The following RORA variants were observed in gnomAD, a reference collection of about 807,000 sequenced individuals.
RORA encodes nuclear receptor ROR-alpha.
Under a neutral mutation model 69.5 loss-of-function variants are expected in RORA, and 7 were observed. The ratio of observed to expected loss-of-function variants is 0.10; its 90% confidence interval spans 0.06 to 0.19. RORA has a LOEUF of 0.19. RORA is among the 10% of genes least tolerant of loss of function. RORA has a pLI of 1.00. For missense variants in RORA, 457 were observed against 663.0 expected (o/e 0.69, Z 3.41); for synonymous variants, 261 against 240.8 (o/e 1.08, Z -0.78).
chr15:60,740,398 G>A (rs895684992), intron 1 of RORA, among the ~76,000 whole-genome samples: 3 of 152,172 alleles, frequency 2.0e-5, no homozygotes, highest in Admixed American at 6.5e-5. Context: ...CAGCTCATTC[G>A]CAGACACAGA....
At chr15:60,857,407 T>G (rs2073391858) in intron 1 of RORA, among the ~76,000 whole-genome samples, 1 of 136,400 alleles carries the variant, frequency 7.3e-6, no homozygotes, top group Admixed American at 7.0e-5. Flanking sequence ...ATGTATCAGA[T>G]GTTGAGTCTT....
intron 2 of RORA, chr15:60,558,174 T>C: frequency 7.6e-7 from 1 of 1,316,242 alleles, no homozygotes; most frequent in East Asian, 2.3e-5. Flanking sequence ...GGGCCACATC[T>C]CCATGGTCTC....
intron 1 of RORA, among the ~76,000 whole-genome samples, chr15:60,934,824 A>G (rs1430859707): frequency 6.6e-6 from 1 of 152,160 alleles, no homozygotes; most frequent in Non-Finnish European, 1.5e-5. Context: ...GCTCCATTAC[A>G]ATCTGTCCTC....
intron 1 of RORA, among the ~76,000 whole-genome samples, chr15:61,211,713 C>G (rs920983822): frequency 6.6e-6 from 1 of 152,172 alleles, no homozygotes; most frequent in Non-Finnish European, 1.5e-5. Context: ...GGGCAGAGCC[C>G]CCTCCCGCCA....
At chr15:61,020,231 A>G (rs1043841221) in intron 1 of RORA, among the ~76,000 whole-genome samples, 4 of 152,166 alleles carry the variant, frequency 2.6e-5, no homozygotes, top group Non-Finnish European at 5.9e-5. Context: ...TCAGCATCTC[A>G]GTATCACCTC....
At chr15:60,977,423 A>G (rs980807507) in intron 1 of RORA, among the ~76,000 whole-genome samples, 1 of 152,186 alleles carries the variant, frequency 6.6e-6, no homozygotes, top group African/African-American at 2.4e-5. Context: ...TTATTTTTAA[A>G]TGCTTTCCTA....
chr15:61,213,375 A>G lies in RORA; in HGVS notation c.166+15678T>C, dbSNP rs1174257645. Among the ~76,000 whole-genome samples the G allele has an allele frequency of 6.6e-6, 1 of 152,190 alleles. No individual in the cohort carries two copies. The highest frequency in any genetic ancestry group is 1.5e-5 in the Non-Finnish European group (1 of 68,036). ...CCCTAACTCCACATAAGTATATTTA[A>G]GTACCTTACCAAAAAGAAATCAGGT... On this transcript the variant is annotated intron_variant, in intron 1 of 10. Transcript: ENST00000335670. This position sits in a 1 kb window ranked among gnomAD's most constrained non-coding sequence, Gnocchi z 4.1.
intron 1 of RORA, among the ~76,000 whole-genome samples, chr15:60,705,738 A>C (rs1175852104): frequency 6.6e-6 from 1 of 152,204 alleles, no homozygotes; most frequent in Non-Finnish European, 1.5e-5. Context: ...TTTAAAATAT[A>C]TATTCTGTTC....
intron 1 of RORA, among the ~76,000 whole-genome samples, chr15:61,003,128 T>A (rs762479077): frequency 7.1e-6 from 1 of 141,448 alleles, no homozygotes; most frequent in Non-Finnish European, 1.5e-5. Flanking sequence ...AGAATGAGAC[T>A]CAGTCTCAAA....
intron 2 of RORA, among the ~76,000 whole-genome samples, chr15:60,532,825 T>C (rs1277346808): frequency 6.6e-6 from 1 of 152,230 alleles, no homozygotes; most frequent in Admixed American, 6.5e-5. Context: ...TAAATTCATT[T>C]TCCATGGTTT....
chr15:60,601,499 C>T (rs1463179723), intron 2 of RORA, among the ~76,000 whole-genome samples: 2 of 152,078 alleles, frequency 1.3e-5, no homozygotes, highest in South Asian at 2.1e-4. Context: ...TACAAGGAAA[C>T]TAAAAAATAC....
rs1022750694 is a variant in RORA, at chr15:60,909,589, T to A, written c.167-230903A>T. On this transcript the variant is annotated intron_variant, in intron 1 of 10. Transcript: ENST00000335670. ...TCACAAGTTATTTATAAAGGGGAGA[T>A]TTGTTAAAGTAGCCAATCTACTTCC... 2.6e-5 allele frequency among the ~76,000 whole-genome samples: 4 copies of A among 151,916 alleles called. No individual in the cohort carries two copies. In the East Asian group the frequency reaches 7.7e-4, roughly 29 times the overall value.
At chr15:61,076,349 C>T (rs989672111) in intron 1 of RORA, among the ~76,000 whole-genome samples, 20 of 151,670 alleles carry the variant, frequency 1.3e-4, no homozygotes, top group African/African-American at 4.4e-4. Context: ...TATTGCTCCA[C>T]ACAGAGCAGA....
At chr15:60,677,214 G>A (rs1330640288) in intron 2 of RORA, 1 of 456,046 alleles carries the variant, frequency 2.2e-6, no homozygotes, top group Non-Finnish European at 4.4e-6. Context: ...GCAAGGAAGC[G>A]CTCTGTACCA....
At chr15:60,553,207 T>C (rs2067271167) in intron 2 of RORA, among the ~76,000 whole-genome samples, 1 of 152,212 alleles carries the variant, frequency 6.6e-6, no homozygotes. Flanking sequence ...AATCTCCATC[T>C]GCTTTTCTGA....
chr15:60,746,914 A>G (rs959198064), intron 1 of RORA, among the ~76,000 whole-genome samples: 1 of 152,212 alleles, frequency 6.6e-6, no homozygotes, highest in Non-Finnish European at 1.5e-5. Flanking sequence ...GAAGAGTCGA[A>G]TTCCATATCA....
At chr15:61,148,089 C>T (rs572866612) in intron 1 of RORA, among the ~76,000 whole-genome samples, 52 of 152,138 alleles carry the variant, frequency 3.4e-4, no homozygotes, top group Non-Finnish European at 5.6e-4. Flanking sequence ...ATCAATCCAT[C>T]GATGCCGAAG....
At chr15:60,782,703 C>T (rs1595711304) in intron 1 of RORA, among the ~76,000 whole-genome samples, 1 of 152,112 alleles carries the variant, frequency 6.6e-6, no homozygotes, top group African/African-American at 2.4e-5. Flanking sequence ...GGCCCTAAAA[C>T]ATTTTTAATG....
intron 1 of RORA, among the ~76,000 whole-genome samples, chr15:61,200,209 G>A (rs766730693): frequency 2.0e-5 from 3 of 152,150 alleles, no homozygotes; most frequent in African/African-American, 7.2e-5. Flanking sequence ...ATTCTGCTTC[G>A]TTTCTGGCAT....
Sources: allele counts gnomAD v4.1 joint callset (sites outside exome capture counted in the v4.1 genomes callset), GRCh38; gene constraint gnomAD v4.1.1; non-coding constraint Gnocchi (gnomAD v3.1); transcripts MANE v1.5; gene names NCBI Gene and HGNC (gene_info 2026-07-23, HGNC 2026-07-21).